CPAP: variants seen among roughly 807,000 people sequenced by gnomAD.
The protein encoded by CPAP is centrosome assembly and centriole elongation protein, also known as centrosomal P4.1-associated protein.
At chr13:24,899,910 T>G in the CPAP span, among the ~76,000 whole-genome samples, 1 of 151,662 alleles carries the variant, frequency 6.6e-6, no homozygotes, top group Non-Finnish European at 1.5e-5. Context: ...TATAATGAGC[T>G]GTGATCGCAC....
the CPAP span, chr13:24,904,005 C>G: frequency 1.2e-6 from 2 of 1,614,036 alleles, no homozygotes; most frequent in Non-Finnish European, 1.7e-6. Flanking sequence ...TTTTCTATTT[C>G]TGTTTCCAAT....
chr13:24,916,226 G>A, the CPAP span, among the ~76,000 whole-genome samples: 1 of 152,196 alleles, frequency 6.6e-6, no homozygotes, highest in Admixed American at 6.5e-5. Context: ...TTGAGGAGAT[G>A]GGAAGAGTCT....
chr13:24,906,667 C>T, the CPAP span: 40 of 1,614,128 alleles, frequency 2.5e-5, no homozygotes, highest in Admixed American at 1.8e-4. Flanking sequence ...TCAGCATTTT[C>T]GGCTTCTGAC....
At chr13:24,922,591 G>A in the CPAP span, among the ~76,000 whole-genome samples, 2 of 152,220 alleles carry the variant, frequency 1.3e-5, no homozygotes, top group East Asian at 1.9e-4. Context: ...CTGAACTGCC[G>A]TGGGCCTCAG....
chr13:24,883,242 A>ACTT, the CPAP span: 2 of 1,614,080 alleles, frequency 1.2e-6, no homozygotes, highest in Admixed American at 1.7e-5. Flanking sequence ...CCGGATCTGT[A>ACTT]CTTCGTTTCT....
chr13:24,917,446 C>T, the CPAP span, among the ~76,000 whole-genome samples: 7 of 152,096 alleles, frequency 4.6e-5, no homozygotes, highest in East Asian at 5.8e-4. Context: ...TTTATTCTCT[C>T]GGTAGGACTG....
chr13:24,883,391 T>C, the CPAP span: 12 of 1,540,960 alleles, frequency 7.8e-6, no homozygotes, highest in African/African-American at 1.4e-5. Context: ...AAAAAAAATA[T>C]GATTTCTTAA....
At chr13:24,891,470 T>A in the CPAP span, among the ~76,000 whole-genome samples, 1 of 152,178 alleles carries the variant, frequency 6.6e-6, no homozygotes, top group East Asian at 1.9e-4. Flanking sequence ...TGCTCCCTTC[T>A]TGCGGTTGCT....
chr13:24,889,476 CAGCT>C, the CPAP span: 2 of 973,030 alleles, frequency 2.1e-6, no homozygotes, highest in Non-Finnish European at 1.6e-6. Context: ...TAATAAAACT[CAGCT>C]AGTGCTAAGA....
the CPAP span, among the ~76,000 whole-genome samples, chr13:24,922,004 T>C: frequency 1.3e-5 from 2 of 152,218 alleles, no homozygotes; most frequent in Admixed American, 6.5e-5. Context: ...GATTAGTATG[T>C]GGACTCAGAC....
chr13:24,933,308 G>A, the CPAP span, among the ~76,000 whole-genome samples: 2 of 152,254 alleles, frequency 1.3e-5, no homozygotes, highest in South Asian at 2.1e-4. Context: ...CCCAGAGGCA[G>A]AGGAGGACCA....
the CPAP span, among the ~76,000 whole-genome samples, chr13:24,927,289 T>C: frequency 0.13 from 19,255 of 152,122 alleles, 1,321 homozygotes; most frequent in Non-Finnish European, 0.15. Context: ...AAGATCCAAT[T>C]TGGGTAGAAC....
the CPAP span, chr13:24,912,445 G>C: frequency 6.7e-6 from 5 of 751,252 alleles, no homozygotes. Flanking sequence ...TTTCACATTA[G>C]ACAAAGGGCA....
chr13:24,903,342 T>C, the CPAP span, among the ~76,000 whole-genome samples: 1 of 152,216 alleles, frequency 6.6e-6, no homozygotes, highest in African/African-American at 2.4e-5. Context: ...TAAACCAATA[T>C]GACCCTATCC....
chr13:24,916,817 A>T, the CPAP span, among the ~76,000 whole-genome samples: 1 of 152,246 alleles, frequency 6.6e-6, no homozygotes, highest in East Asian at 1.9e-4. Context: ...TCAGCTAATC[A>T]TGGTAATCAT....
the CPAP span, chr13:24,884,426 A>ATAC: frequency 6.2e-7 from 1 of 1,614,124 alleles, no homozygotes; most frequent in East Asian, 2.2e-5. Context: ...ATTGGGAAAC[A>ATAC]GTATAACACG....
chr13:24,895,042 G>A, the CPAP span, among the ~76,000 whole-genome samples: 1 of 152,212 alleles, frequency 6.6e-6, no homozygotes, highest in Non-Finnish European at 1.5e-5. Flanking sequence ...AGGCCTCCAC[G>A]TCCCGCGGGC....
At chr13:24,901,257 G>C in the CPAP span, among the ~76,000 whole-genome samples, 1 of 152,184 alleles carries the variant, frequency 6.6e-6, no homozygotes, top group African/African-American at 2.4e-5. Context: ...TAAATATCCT[G>C]ATAAATGAGC....
At chr13:24,923,441 G>A in the CPAP span, among the ~76,000 whole-genome samples, 2 of 152,126 alleles carry the variant, frequency 1.3e-5, no homozygotes, top group Admixed American at 1.3e-4. Flanking sequence ...CTCCTCAAAT[G>A]GCTAATCGGT....
Sources: gnomAD v4.1 joint callset for allele counts (sites outside exome capture counted in the v4.1 genomes callset) on GRCh38, gnomAD v4.1.1 for gene constraint, MANE v1.5 for transcripts, NCBI Gene and HGNC (gene_info 2026-07-23, HGNC 2026-07-21) for gene names.